The following NEMP2 variants were observed in gnomAD, a reference collection of about 807,000 sequenced individuals.
NEMP2 encodes the protein UPF0571 transmembrane protein.
A neutral mutation model predicts 54.2 loss-of-function variants in NEMP2; 53 were observed. The ratio of observed to expected loss-of-function variants is 0.98; its 90% CI spans 0.78 to 1.23. The LOEUF (loss-of-function observed/expected upper bound fraction) is 1.23, where lower values mean the gene tolerates loss of function less well. Ranked by LOEUF, NEMP2 falls within the 50% of genes most tolerant of loss-of-function variation. NEMP2 has a pLI of 0.00. For missense variants in NEMP2, 455 were observed against 511.3 expected (o/e 0.89, Z 1.06); for synonymous variants, 197 against 190.3 (o/e 1.04, Z -0.29).
the NEMP2 span, among the ~76,000 whole-genome samples, chr2:190,447,465 A>C: frequency 1.3e-5 from 2 of 152,120 alleles, no homozygotes; most frequent in African/African-American, 4.8e-5. This position sits in a 1 kb window ranked among gnomAD's most constrained non-coding sequence, Gnocchi z 4.5. Flanking sequence ...TATATGGAGG[A>C]CACATAGGCC....
chr2:190,592,722 A>G, the NEMP2 span, among the ~76,000 whole-genome samples: 1 of 152,114 alleles, frequency 6.6e-6, no homozygotes, highest in African/African-American at 2.4e-5. This position sits in a 1 kb window ranked among gnomAD's most constrained non-coding sequence, Gnocchi z 4.4. Flanking sequence ...AAGGCTCCCA[A>G]ATTTCAGTAT....
the NEMP2 span, among the ~76,000 whole-genome samples, chr2:190,554,012 G>T: frequency 6.6e-6 from 1 of 152,188 alleles, no homozygotes; most frequent in Admixed American, 6.5e-5. This position sits in a 1 kb window ranked among gnomAD's most constrained non-coding sequence, Gnocchi z 5.7. Context: ...GCCCAAGGAG[G>T]GCGAGCTGAA....
At chr2:190,536,021 GAT>G (rs1333345068), upstream of NEMP2, 2 of 152,200 alleles carry the variant, frequency 1.3e-5, no homozygotes, top group Admixed American at 6.5e-5. Flanking sequence ...ATTTTCTACA[GAT>G]ATATCTGGTG....
chr2:190,517,440 G>A, intron 5 of NEMP2, 80 bp downstream of exon 5: 2 of 981,944 alleles, frequency 2.0e-6, no homozygotes, highest in South Asian at 1.5e-5. Context: ...CTATCATAAT[G>A]TGAATTAATT....
intron 1 of NEMP2, among the ~76,000 whole-genome samples, chr2:190,526,224 G>A (rs542277565): frequency 1.3e-5 from 2 of 152,250 alleles, no homozygotes; most frequent in South Asian, 4.1e-4. Flanking sequence ...CAGGACTCCC[G>A]TGGAATGCAG....
the NEMP2 span, among the ~76,000 whole-genome samples, chr2:190,464,146 G>A: frequency 4.1e-4 from 63 of 152,276 alleles, no homozygotes; most frequent in African/African-American, 1.4e-3. Flanking sequence ...ATTGGTGTGC[G>A]TGCATCTTTG....
At chr2:190,436,701 C>T in the NEMP2 span, 1 of 1,614,218 alleles carries the variant, frequency 6.2e-7, no homozygotes, top group African/African-American at 1.3e-5. This position sits in a 1 kb window ranked among gnomAD's most constrained non-coding sequence, Gnocchi z 5.3. Flanking sequence ...ACAGTGAACC[C>T]ACTCTGCAGC....
Position 190,531,354 on chromosome 2 carries a change from C to A in NEMP2, c.97+3205G>T, listed in dbSNP as rs1691137009. Among the ~76,000 whole-genome samples the A allele has an allele frequency of 6.6e-6, 1 of 152,178 alleles. No homozygotes were observed. The highest frequency in any genetic ancestry group is 1.5e-5 in the Non-Finnish European group (1 of 68,038). ...TCAACCCTCAAGGACTGAGGAGTAT[C>A]TGTGGGATCAACCCTGAATGCCATC... On this transcript the variant is annotated intron_variant, in intron 1 of 8. Transcript: ENST00000409150. This position sits in a 1 kb window ranked among gnomAD's most constrained non-coding sequence, Gnocchi z 4.7.
chr2:190,552,550 A>G, the NEMP2 span, among the ~76,000 whole-genome samples: 1 of 152,036 alleles, frequency 6.6e-6, no homozygotes, highest in Non-Finnish European at 1.5e-5. Flanking sequence ...CCAAGACCCC[A>G]TCTCTACCAG....
upstream of NEMP2, among the ~76,000 whole-genome samples, chr2:190,538,334 A>AT (rs1277105068): frequency 2.0e-5 from 3 of 152,168 alleles, no homozygotes; most frequent in Admixed American, 6.5e-5. The surrounding 1 kb of genome is among the most constrained non-coding windows in gnomAD (Gnocchi z 4.1). Flanking sequence ...ATAATATTCC[A>AT]TTGTGTATAT....
rs1332609533 is a variant in NEMP2, at chr2:190,520,146, T to C, written c.214-963A>G. ...ACCCACAGTCACATTATCTCTGAAGTATGCCTGTAATCAGTGGCAAACTAT... is the reference window on the plus strand; with the variant it reads ...ACCCACAGTCACATTATCTCTGAAGCATGCCTGTAATCAGTGGCAAACTAT... On this transcript the variant is annotated intron_variant, in intron 2 of 8. Transcript: ENST00000409150. The surrounding 1 kb of genome is among the most constrained non-coding windows in gnomAD (Gnocchi z 5.4). 1.3e-5 allele frequency among the ~76,000 whole-genome samples: 2 copies of C among 152,180 alleles called. No homozygotes were observed. Among genetic ancestry groups the C allele is most frequent in the African/African-American group, 4.8e-5 (2 of 41,436 alleles).
At chr2:190,534,416 G>C in intron 1 of NEMP2, 143 bp downstream of exon 1, 1 of 1,219,286 alleles carries the variant, frequency 8.2e-7, no homozygotes, top group Non-Finnish European at 1.0e-6. Context: ...GGCCTGCCCG[G>C]GAGACCCCAA....
rs1690714464 is a variant in NEMP2, at chr2:190,520,406, C to T, written c.214-1223G>A. Among the ~76,000 whole-genome samples, 1 of 152,166 alleles carries T rather than the reference C, an allele frequency of 6.6e-6. No individual in the cohort carries two copies. The highest frequency in any genetic ancestry group is 1.5e-5 in the Non-Finnish European group (1 of 68,032). ...TCATTAAATGACAATTTTGCTGCTG[C>T]CTTTGTCTGTCCTTTTCTCTATTCC... On this transcript the variant is annotated intron_variant, in intron 2 of 8. Coordinates refer to ENST00000409150, the MANE Select transcript of NEMP2 (RefSeq NM_001142645.2). The surrounding 1 kb of genome is among the most constrained non-coding windows in gnomAD (Gnocchi z 5.4).
intron 1 of NEMP2, among the ~76,000 whole-genome samples, chr2:190,532,803 G>C (rs945068877): frequency 6.6e-6 from 1 of 152,174 alleles, no homozygotes; most frequent in Non-Finnish European, 1.5e-5. Context: ...GTCTAATCCA[G>C]GGCTGCCAAC....
the NEMP2 span, among the ~76,000 whole-genome samples, chr2:190,496,678 GTA>G: frequency 1.1e-4 from 17 of 151,704 alleles, no homozygotes; most frequent in Non-Finnish European, 1.5e-4. This position sits in a 1 kb window ranked among gnomAD's most constrained non-coding sequence, Gnocchi z 4.7. Context: ...ATGTGTGTGT[GTA>G]TATACACACA....
chr2:190,597,313 A>T, the NEMP2 span, among the ~76,000 whole-genome samples: 89 of 151,962 alleles, frequency 5.9e-4, no homozygotes, highest in African/African-American at 2.1e-3. The surrounding 1 kb of genome is among the most constrained non-coding windows in gnomAD (Gnocchi z 4.7). Context: ...GTGAAGAGTT[A>T]GGAATTTGGG....
chr2:190,574,366 GTGTTTCACAAT>G, the NEMP2 span, among the ~76,000 whole-genome samples: 1 of 151,806 alleles, frequency 6.6e-6, no homozygotes, highest in Non-Finnish European at 1.5e-5. Flanking sequence ...AAAAAAAAAA[GTGTTTCACAAT>G]TGGAGTGGAG....
At chr2:190,422,460 AAG>A in the NEMP2 span, among the ~76,000 whole-genome samples, 675 of 152,308 alleles carry the variant, frequency 4.4e-3, 11 homozygotes, top group African/African-American at 0.015. Flanking sequence ...AAGGGTACAT[AAG>A]AGATAAATTT....
chr2:190,499,935 TCTTA>T (rs1161113278), downstream of NEMP2: 1 of 1,597,222 alleles, frequency 6.3e-7, no homozygotes, highest in African/African-American at 1.3e-5. The surrounding 1 kb of genome is among the most constrained non-coding windows in gnomAD (Gnocchi z 6.0). Context: ...ATGTTTCCTG[TCTTA>T]CTTGAAAGCA....
Sources: allele counts gnomAD v4.1 joint callset (sites outside exome capture counted in the v4.1 genomes callset), GRCh38; gene constraint gnomAD v4.1.1; non-coding constraint Gnocchi (gnomAD v3.1); transcripts MANE v1.5; gene names NCBI Gene and HGNC (gene_info 2026-07-23, HGNC 2026-07-21).